The following PRKAG2 variants were observed in gnomAD, a reference collection of about 807,000 sequenced individuals.
PRKAG2 encodes protein kinase AMP-activated non-catalytic subunit gamma 2.
PRKAG2 carries 26 observed loss-of-function variants against 69.6 expected under a neutral mutation model. The observed-to-expected ratio is 0.37, with a 90% CI of 0.27 to 0.52. The LOEUF (loss-of-function observed/expected upper bound fraction) is 0.52. Among genes scored for constraint, PRKAG2 ranks in the 20% least tolerant of loss-of-function variants. The pLI is 0.90. For synonymous variants in PRKAG2, 293 were observed against 285.0 expected, an observed-to-expected ratio of 1.03 and a Z score of -0.28; for missense variants, 557 against 740.0, an observed-to-expected ratio of 0.75 and a Z score of 2.87.
chr7:151,612,003 T>C (rs7795789), intron 5 of PRKAG2, among the ~76,000 whole-genome samples: 43,562 of 151,936 alleles, frequency 0.29, 6,408 homozygotes, highest in African/African-American at 0.35. Flanking sequence ...TGAGATTGTG[T>C]CACCGCACTC....
In PRKAG2 at chr7:151,814,416, T is replaced by C; in HGVS notation, c.115-27875A>G. On this transcript the variant is annotated intron_variant, in intron 1 of 15. Coordinates refer to ENST00000287878, the MANE Select transcript of PRKAG2 (RefSeq NM_016203.4). The surrounding 1 kb of genome is among the most constrained non-coding windows in gnomAD (Gnocchi z 4.8). The stretch of plus-strand genomic sequence containing the variant: ...AGCCAGCTCCCGCAGGTCTGCTTAC[T>C]CAGCCCCAAGGGGTCCTGGAGGTCT... 1 of 1,227,514 alleles carries C rather than the reference T, an allele frequency of 8.1e-7. No homozygotes were observed. The highest frequency in any genetic ancestry group is 1.0e-6 in the Non-Finnish European group (1 of 985,894). 76.0% of individuals were successfully genotyped at this position (1,227,514 alleles called of 1,614,324 possible).
intron 1 of PRKAG2, among the ~76,000 whole-genome samples, chr7:151,827,908 G>C (rs930173645): frequency 6.6e-6 from 1 of 152,132 alleles, no homozygotes; most frequent in African/African-American, 2.4e-5. Flanking sequence ...GGATGTGGGC[G>C]CTTCCCTGGG....
intron 3 of PRKAG2, among the ~76,000 whole-genome samples, chr7:151,681,195 G>C (rs2151494132): frequency 6.6e-6 from 1 of 152,348 alleles, no homozygotes; most frequent in Admixed American, 6.5e-5. Context: ...GGATGCAGGA[G>C]TGAACCTCTG....
In PRKAG2 at chr7:151,699,461, T is replaced by C. The variant is rs1837298194; in HGVS notation, c.467-23824A>G. 6.6e-6 allele frequency among the ~76,000 whole-genome samples: 1 copy of C among 152,212 alleles called. No individual in the cohort carries two copies. Among genetic ancestry groups the C allele is most frequent in the South Asian group, 2.1e-4 (1 of 4,834 alleles). ...CTGGGATTGAGATCATCTCGGCGAC[T>C]TTATCATGAAGGCCAGCACAGGAGG... is the stretch of plus-strand genomic sequence containing the variant. On this transcript the variant is annotated intron_variant, in intron 3 of 15. Coordinates refer to ENST00000287878, the MANE Select transcript of PRKAG2 (RefSeq NM_016203.4). This position sits in a 1 kb window ranked among gnomAD's most constrained non-coding sequence, Gnocchi z 4.5.
In PRKAG2 at chr7:151,719,480, C is replaced by T. The variant is rs569566034; in HGVS notation, c.467-43843G>A. Among the ~76,000 whole-genome samples, 8 of 152,248 alleles carry T rather than the reference C, an allele frequency of 5.3e-5. No homozygotes were observed. The highest frequency in any genetic ancestry group is 7.4e-5 in the Non-Finnish European group (5 of 68,026). ...GGGCTGCTCCCAGCCAATGCCTAAG[C>T]GCCGGGTGCTGGGTCACCCTGAGAC... On this transcript the variant is annotated intron_variant, in intron 3 of 15. Transcript: ENST00000287878. This position sits in a 1 kb window ranked among gnomAD's most constrained non-coding sequence, Gnocchi z 5.2.
intron 1 of PRKAG2, among the ~76,000 whole-genome samples, chr7:151,854,475 C>T (rs2079655724): frequency 6.6e-6 from 1 of 152,232 alleles, no homozygotes; most frequent in African/African-American, 2.4e-5. Flanking sequence ...CGCAGCCTTC[C>T]CCCACACATC....
chr7:151,728,454 G>A (rs1189349061), intron 3 of PRKAG2, among the ~76,000 whole-genome samples: 1 of 152,122 alleles, frequency 6.6e-6, no homozygotes, highest in Admixed American at 6.5e-5. Context: ...GGATGGGGGT[G>A]ACAGAGCAGC....
chr7:151,572,525 A>T (rs1807819006), intron 9 of PRKAG2, 139 bp downstream of exon 9: 1 of 680,530 alleles, frequency 1.5e-6, no homozygotes, highest in Non-Finnish European at 2.6e-6. Context: ...TACTATCAAA[A>T]TTAACAGAAA....
chr7:151,575,525 G>C (rs538250771), intron 7 of PRKAG2, among the ~76,000 whole-genome samples: 1 of 152,316 alleles, frequency 6.6e-6, no homozygotes, highest in Non-Finnish European at 1.5e-5. Flanking sequence ...GGCATTGTCT[G>C]CTGTGATTCA....
intron 4 of PRKAG2, among the ~76,000 whole-genome samples, chr7:151,635,366 C>T (rs764092265): frequency 1.3e-5 from 2 of 152,230 alleles, no homozygotes; most frequent in Non-Finnish European, 2.9e-5. Context: ...TGAAAACTTA[C>T]ATTTACACAA....
chr7:151,654,342 T>C (rs1829085176), intron 4 of PRKAG2, among the ~76,000 whole-genome samples: 1 of 152,144 alleles, frequency 6.6e-6, no homozygotes, highest in South Asian at 2.1e-4. Flanking sequence ...CATTGCTAGC[T>C]TCCCCTCCTT....
At chr7:151,659,346 A>T (rs1278891473) in intron 4 of PRKAG2, among the ~76,000 whole-genome samples, 1 of 152,190 alleles carries the variant, frequency 6.6e-6, no homozygotes, top group Non-Finnish European at 1.5e-5. Context: ...TGCTTTGTTC[A>T]GGGGAGTCCA....
At chr7:151,726,604 C>T (rs367728148) in intron 3 of PRKAG2, among the ~76,000 whole-genome samples, 17 of 152,112 alleles carry the variant, frequency 1.1e-4, no homozygotes, top group East Asian at 9.7e-4. Context: ...GGGCAGACAG[C>T]GGAGGGTTCT....
At chr7:151,577,332 G>C (rs1330050266) in intron 6 of PRKAG2, among the ~76,000 whole-genome samples, 1 of 152,060 alleles carries the variant, frequency 6.6e-6, no homozygotes, top group Non-Finnish European at 1.5e-5. Context: ...GATACCATAA[G>C]GTATCATACT....
chr7:151,876,675 T>A lies in PRKAG2; in HGVS notation c.-55A>T. The A allele has an allele frequency of 6.5e-7, 1 of 1,535,030 alleles. No homozygotes were observed. Among genetic ancestry groups the A allele is most frequent in the Non-Finnish European group, 8.9e-7 (1 of 1,121,912 alleles). On this transcript the variant is annotated 5_prime_UTR_variant, in exon 1 of 16. Coordinates refer to ENST00000287878, the MANE Select transcript of PRKAG2 (RefSeq NM_016203.4). ...CTCCTCGGGGGTTCGGTCCCCTCCTTCCCTCCCCCGGCCGCTGCCTTCGGA... is the reference window on the plus strand; with the variant it reads ...CTCCTCGGGGGTTCGGTCCCCTCCTACCCTCCCCCGGCCGCTGCCTTCGGA...
intron 3 of PRKAG2, among the ~76,000 whole-genome samples, chr7:151,704,132 T>C (rs1264317709): frequency 6.6e-6 from 1 of 152,152 alleles, no homozygotes; most frequent in African/African-American, 2.4e-5. Flanking sequence ...GAAAGAGGCA[T>C]GCAATGTGAA....
At chr7:151,768,569 G>A (rs924470860) in intron 3 of PRKAG2, among the ~76,000 whole-genome samples, 3 of 152,104 alleles carry the variant, frequency 2.0e-5, no homozygotes, top group Admixed American at 6.5e-5. Flanking sequence ...GAGTTCAAGC[G>A]ATCCTCCTGC....
At chr7:151,569,497 G>A (rs991278255) in intron 10 of PRKAG2, among the ~76,000 whole-genome samples, 8 of 152,238 alleles carry the variant, frequency 5.3e-5, no homozygotes, top group South Asian at 4.1e-4. Flanking sequence ...GCTCTACCCC[G>A]GGCCGGCCCG....
chr7:151,779,975 C>T (rs1001473983), intron 3 of PRKAG2, among the ~76,000 whole-genome samples: 2 of 152,202 alleles, frequency 1.3e-5, no homozygotes, highest in Admixed American at 6.5e-5. Context: ...ATTGTGACAA[C>T]CCCACAGCCT....
Sources: allele counts gnomAD v4.1 joint callset (sites outside exome capture counted in the v4.1 genomes callset), GRCh38; gene constraint gnomAD v4.1.1; non-coding constraint Gnocchi (gnomAD v3.1); transcripts MANE v1.5; gene names NCBI Gene and HGNC (gene_info 2026-07-23, HGNC 2026-07-21).